Variants in SMG1 observed in about 807,000 individuals in gnomAD.
SMG1 encodes serine/threonine-protein kinase SMG1.
In SMG1, 22 loss-of-function variants were observed where a neutral mutation model predicts 419.9. The ratio of observed to expected loss-of-function variants is 0.05; its 90% CI spans 0.04 to 0.07. The LOEUF is 0.07. Ranked by LOEUF, SMG1 falls within the 10% of genes least tolerant of loss-of-function variation. The probability of loss-of-function intolerance (pLI) is 1.00; values close to 1 mark genes in which losing one functional copy is unlikely to be tolerated. For synonymous variants in SMG1, 1,538 were observed against 1,553.5 expected, an observed-to-expected ratio of 0.99 and a Z score of 0.23; for missense variants, 3,185 against 4,342.0, an observed-to-expected ratio of 0.73 and a Z score of 7.49.
chr16:18,888,705 ATGTT>A (rs1263058391), intron 6 of SMG1, among the ~76,000 whole-genome samples: 6 of 151,492 alleles, frequency 4.0e-5, no homozygotes, highest in Admixed American at 6.6e-5. Context: ...TGACCTCATG[ATGTT>A]TCCACCTCGG....
At chr16:18,908,800 A>C (rs1056868614) in intron 1 of SMG1, among the ~76,000 whole-genome samples, 17 of 151,460 alleles carry the variant, frequency 1.1e-4, no homozygotes, top group African/African-American at 4.1e-4. Context: ...GAATGGCGTG[A>C]GCGCGGGAGG....
At position 18,836,540 on chromosome 16, in the gene SMG1, G is replaced by T; in HGVS notation, c.7605-8C>A. On this transcript the variant is annotated splice_region_variant and splice_polypyrimidine_tract_variant and intron_variant, in intron 46 of 62. Transcript: ENST00000446231. ...TGGGTGTGCTCAGAATACCTAATCA[G>T]GGGGACACAAACAAAATCAAAAGAT... 2 of 1,610,112 alleles carry T rather than the reference G, an allele frequency of 1.2e-6. No homozygotes were observed. The highest frequency in any genetic ancestry group is 1.7e-6 in the Non-Finnish European group (2 of 1,178,778).
At chr16:18,849,434 C>A (rs757142610) in intron 35 of SMG1, 56 bp from the exon 36 acceptor site, 126 of 1,500,946 alleles carry the variant, frequency 8.4e-5, no homozygotes, top group Non-Finnish European at 1.1e-4. Context: ...TATGAAGAAA[C>A]TATCAGCATC....
intron 51 of SMG1, 63 bp from the exon 52 acceptor site, chr16:18,830,432 C>G: frequency 6.4e-7 from 1 of 1,553,686 alleles, no homozygotes; most frequent in Non-Finnish European, 8.9e-7. Flanking sequence ...TGGGAACATA[C>G]AAAGTCAGTA....
Position 18,835,219 on chromosome 16 carries a change from A to G in SMG1, c.8058-55T>C, listed in dbSNP as rs1227219344. 5 of 1,511,988 alleles carry G rather than the reference A, an allele frequency of 3.3e-6. 1 individual carries two copies. Among genetic ancestry groups the G allele is most frequent in the Non-Finnish European group, 3.6e-6 (4 of 1,116,582 alleles). 93.7% of individuals were successfully genotyped at this position (1,511,988 alleles called of 1,614,324 possible). A position where few individuals can be genotyped will look rare whatever the true frequency, so the allele number is the denominator to read the frequency against. On this transcript the variant is annotated intron_variant, in intron 48 of 62. Coordinates refer to ENST00000446231, the MANE Select transcript of SMG1 (RefSeq NM_015092.5). ...ATAACACAACCACCCCCAACATACA[A>G]AAGAATATTGCATTTAATCCTCAAA... is the stretch of plus-strand genomic sequence containing the variant.
intron 1 of SMG1, among the ~76,000 whole-genome samples, chr16:18,905,136 C>T (rs1285193072): frequency 6.6e-6 from 1 of 152,062 alleles, no homozygotes; most frequent in Non-Finnish European, 1.5e-5. Context: ...TGGTGGGCGC[C>T]TGTAATCCCA....
chr16:18,846,621 A>G (rs113787045), intron 38 of SMG1, among the ~76,000 whole-genome samples: 6 of 152,340 alleles, frequency 3.9e-5, no homozygotes, highest in African/African-American at 1.4e-4. Context: ...CATGAAAGGA[A>G]GCTCAACATC....
intron 36 of SMG1, 130 bp downstream of exon 36, chr16:18,849,087 A>C (rs2034440472): frequency 4.0e-5 from 8 of 202,038 alleles, no homozygotes; most frequent in Non-Finnish European, 6.7e-5. Context: ...AAAAAAAAAA[A>C]AAAAAAAAAA....
intron 4 of SMG1, 82 bp from the exon 5 acceptor site, chr16:18,891,003 C>A (rs890380396): frequency 1.1e-4 from 84 of 768,020 alleles, no homozygotes; most frequent in Non-Finnish European, 1.9e-4. Context: ...ACTTGTCTTC[C>A]CCTCCAAATT....
intron 39 of SMG1, among the ~76,000 whole-genome samples, chr16:18,844,978 T>C (rs947613092): frequency 6.6e-6 from 1 of 152,242 alleles, no homozygotes; most frequent in African/African-American, 2.4e-5. Flanking sequence ...TATGTGGAAT[T>C]GATTCCAGAA....
intron 3 of SMG1, among the ~76,000 whole-genome samples, chr16:18,895,376 G>A (rs1246640771): frequency 6.6e-6 from 1 of 152,038 alleles, no homozygotes; most frequent in East Asian, 1.9e-4. Flanking sequence ...CTACTTGGGA[G>A]GCTGAGGCAC....
Position 18,835,979 on chromosome 16 carries a change from G to A in SMG1, c.8011C>T (p.Leu2671Phe), listed in dbSNP as rs956686260. 6.4e-7 allele frequency: 1 copy of A among 1,554,252 alleles called. No homozygotes were observed. Among genetic ancestry groups the A allele is most frequent in the Admixed American group, 2.0e-5 (1 of 51,100 alleles). ...IEQWKTWMEE[L>F]ICNTTVERCQ... ...CGCTCTACTGTGGTGTTACAGATGA[G>A]CTCTTCCATCCAGGTCTTCCACTGT... The change falls in exon 48 of 63, where the codon CTC becomes TTC. Residue 2671 changes from leucine to phenylalanine, a missense_variant. Leu to Phe is a conservative substitution (Grantham distance 22). Coordinates refer to ENST00000446231, the MANE Select transcript of SMG1 (RefSeq NM_015092.5).
At chr16:18,880,666 G>C (rs1395883608) in intron 10 of SMG1, among the ~76,000 whole-genome samples, 2 of 136,106 alleles carry the variant, frequency 1.5e-5, no homozygotes, top group Admixed American at 8.3e-5. Flanking sequence ...AGTGAGCCAA[G>C]ATCGTGCCAC....
chr16:18,905,892 G>A (rs1358018101), intron 1 of SMG1, among the ~76,000 whole-genome samples: 3 of 152,074 alleles, frequency 2.0e-5, no homozygotes, highest in Non-Finnish European at 4.4e-5. Flanking sequence ...AATTACAGGC[G>A]TGAGGCAACA....
intron 39 of SMG1, among the ~76,000 whole-genome samples, chr16:18,843,250 G>C (rs1172141359): frequency 6.6e-6 from 1 of 152,192 alleles, no homozygotes; most frequent in Non-Finnish European, 1.5e-5. Context: ...TCAAACTGGA[G>C]TAGAGGAAAT....
intron 13 of SMG1, among the ~76,000 whole-genome samples, chr16:18,874,087 CT>C (rs1401963084): frequency 6.6e-6 from 1 of 152,140 alleles, no homozygotes; most frequent in Non-Finnish European, 1.5e-5. Context: ...CAAGTTTTAC[CT>C]TTTTCCTCCT....
chr16:18,844,570 T>TCA lies in SMG1; in HGVS notation c.6219+857_6219+858dup, dbSNP rs56381713. ...ACACATAATAAACTTCATCCTTCTC[T>TCA]CACACACACACACGGAAACTCGAGT... On this transcript the variant is annotated intron_variant, in intron 39 of 62. Transcript: ENST00000446231. 5.5e-4 allele frequency among the ~76,000 whole-genome samples: 49 copies of TCA among 88,520 alleles called. 4 individuals are homozygous for TCA. Among genetic ancestry groups the TCA allele is most frequent in the Non-Finnish European group, 2.8e-4 (13 of 46,308 alleles). 58.1% of individuals were successfully genotyped at this position (88,520 alleles called of 152,430 possible).
intron 9 of SMG1, among the ~76,000 whole-genome samples, 165 bp downstream of exon 9, chr16:18,883,905 C>T (rs555204110): frequency 9.0e-4 from 125 of 139,246 alleles, no homozygotes; most frequent in African/African-American, 3.3e-3. Context: ...GGTGACAGAG[C>T]GAGACTCCAT....
intron 29 of SMG1, chr16:18,857,182 T>C (rs1162177574): frequency 6.6e-6 from 1 of 152,254 alleles, no homozygotes; most frequent in Admixed American, 6.5e-5. Flanking sequence ...CTATCTTGGC[T>C]GTTAGCTTAC....
Sources: allele counts gnomAD v4.1 joint callset (sites outside exome capture counted in the v4.1 genomes callset), GRCh38; gene constraint gnomAD v4.1.1; transcripts MANE v1.5; gene names NCBI Gene and HGNC (gene_info 2026-07-23, HGNC 2026-07-21).